The following TSPEAR variants were observed in gnomAD, a reference collection of about 807,000 sequenced individuals.
TSPEAR encodes thrombospondin type laminin G domain and EAR repeats.
Under a neutral mutation model 71.6 loss-of-function variants are expected in TSPEAR, and 69 were observed. The observed-to-expected ratio is 0.96, with a 90% CI of 0.79 to 1.18. TSPEAR has a LOEUF of 1.18. Ranked by LOEUF, TSPEAR falls within the 50% of genes most tolerant of loss-of-function variation. The pLI is 0.00. For missense variants in TSPEAR, 971 were observed against 894.9 expected, an observed-to-expected ratio of 1.09 and a Z score of -1.09; for synonymous variants, 402 against 387.2, an observed-to-expected ratio of 1.04 and a Z score of -0.45.
chr21:44,654,240 A>T (rs961088592), intron 1 of TSPEAR: 2 of 1,558,104 alleles, frequency 1.3e-6, no homozygotes, highest in African/African-American at 1.4e-5. Context: ...CTGGCTTCTG[A>T]CCTCGCACCT....
At chr21:44,560,144 A>G (rs1311891003) in intron 2 of TSPEAR, among the ~76,000 whole-genome samples, 6 of 152,230 alleles carry the variant, frequency 3.9e-5, no homozygotes, top group African/African-American at 1.2e-4. Flanking sequence ...AGGAAAATGT[A>G]CCAAGCAAAT....
At chr21:44,671,844 T>C (rs1460216043) in intron 1 of TSPEAR, among the ~76,000 whole-genome samples, 1 of 152,074 alleles carries the variant, frequency 6.6e-6, no homozygotes, top group African/African-American at 2.4e-5. Flanking sequence ...GTGCAACAGA[T>C]TCAAATGAAA....
intron 1 of TSPEAR, among the ~76,000 whole-genome samples, chr21:44,663,609 A>G (rs1390440997): frequency 1.3e-5 from 2 of 152,144 alleles, no homozygotes; most frequent in African/African-American, 2.4e-5. Context: ...TCATAGAGCC[A>G]GCATAATCTT....
chr21:44,646,797 G>A (rs369662297), intron 1 of TSPEAR: 76 of 1,602,264 alleles, frequency 4.7e-5, no homozygotes, highest in Non-Finnish European at 5.9e-5. Flanking sequence ...GCAAGCCTGT[G>A]TGCTGTGTGC....
chr21:44,535,098 G>A (rs1244929605), intron 2 of TSPEAR, among the ~76,000 whole-genome samples: 2 of 152,162 alleles, frequency 1.3e-5, no homozygotes, highest in Non-Finnish European at 2.9e-5. Context: ...AGTGTTTAAT[G>A]GGTGTGGAGT....
At position 44,695,712 on chromosome 21, in the gene TSPEAR, C is replaced by T. The variant is rs572852728; in HGVS notation, c.82+15721G>A. 5.9e-5 allele frequency among the ~76,000 whole-genome samples: 9 copies of T among 152,294 alleles called. No individual in the cohort carries two copies. Among genetic ancestry groups the T allele is most frequent in the East Asian group, 5.8e-4 (3 of 5,188 alleles). On this transcript the variant is annotated intron_variant, in intron 1 of 11. Transcript: ENST00000323084. The surrounding 1 kb of genome is among the most constrained non-coding windows in gnomAD (Gnocchi z 4.5). ...ACCACGGATGACAGCTAACACTCCA[C>T]GCCAGGGTTCTCATCTCACCGCAGC...
rs376009089 is a variant in TSPEAR, at chr21:44,545,204, G to T, written c.304-11281C>A. 6.0e-4 allele frequency among the ~76,000 whole-genome samples: 92 copies of T among 152,146 alleles called. No individual in the cohort carries two copies. In the East Asian group the frequency reaches 0.012, roughly 20 times the overall value. On this transcript the variant is annotated intron_variant, in intron 2 of 11. Coordinates refer to ENST00000323084, the MANE Select transcript of TSPEAR (RefSeq NM_144991.3). ...ATGGTGGCAGCCGCCTGTAGTCCCA[G>T]CTACTTGGGAGGCTGAGGCAGGAGA... is the stretch of plus-strand genomic sequence containing the variant.
rs955881019 is a variant in TSPEAR at position 44,499,195 on chromosome 21, A to G, written c.*588T>C. On this transcript the variant is annotated 3_prime_UTR_variant, in exon 12 of 12. Coordinates refer to ENST00000323084, the MANE Select transcript of TSPEAR (RefSeq NM_144991.3). The stretch of plus-strand genomic sequence containing the variant: ...CCTCGCGCTAGTGCATTTACGGGTA[A>G]ACTGAGGCTGGGAGGGAAGCCTCTC... 1 of 152,236 alleles carries G rather than the reference A, an allele frequency of 6.6e-6. No homozygotes were observed. The highest frequency in any genetic ancestry group is 2.4e-5 in the African/African-American group (1 of 41,426). The allele number at this position is 152,236 out of a possible 1,614,324, so 9.4% of individuals were successfully genotyped here.
intron 1 of TSPEAR, chr21:44,676,058 T>C: frequency 2.3e-6 from 2 of 872,284 alleles, no homozygotes; most frequent in Non-Finnish European, 4.0e-6. Context: ...CTCAATGCAA[T>C]AGGAGGCATA....
intron 1 of TSPEAR, among the ~76,000 whole-genome samples, chr21:44,602,644 G>A (rs587733147): frequency 6.6e-6 from 1 of 152,372 alleles, no homozygotes; most frequent in African/African-American, 2.4e-5. Context: ...CCTGCTGGGA[G>A]TCTGGAATTC....
intron 10 of TSPEAR, chr21:44,508,610 T>C: frequency 8.5e-7 from 1 of 1,181,810 alleles, no homozygotes; most frequent in Non-Finnish European, 1.1e-6. Flanking sequence ...CTGTCCAAAA[T>C]GTGGTGCCCA....
chr21:44,574,027 G>A (rs782312294), intron 1 of TSPEAR: 4 of 1,613,302 alleles, frequency 2.5e-6, no homozygotes, highest in Admixed American at 3.3e-5. Context: ...CCCTCGTGCT[G>A]CCAGCAGTCT....
At chr21:44,629,925 G>A (rs1555935408) in intron 1 of TSPEAR, among the ~76,000 whole-genome samples, 1 of 152,218 alleles carries the variant, frequency 6.6e-6, no homozygotes. Flanking sequence ...TGTGCTGGAA[G>A]AGACAGGCCA....
intron 2 of TSPEAR, chr21:44,550,992 G>C: frequency 1.2e-6 from 2 of 1,609,846 alleles, no homozygotes; most frequent in East Asian, 2.2e-5. Flanking sequence ...GGATGACTCA[G>C]AGCAGGTGGG....
At chr21:44,508,995 C>G (rs2052276455) in intron 10 of TSPEAR, 4 of 1,517,732 alleles carry the variant, frequency 2.6e-6, no homozygotes, top group Non-Finnish European at 3.6e-6. Context: ...ACCTGTGTCT[C>G]AGGGCGGCAC....
At chr21:44,515,302 G>A (rs980279171) in intron 9 of TSPEAR, among the ~76,000 whole-genome samples, 7 of 152,226 alleles carry the variant, frequency 4.6e-5, no homozygotes, top group Admixed American at 6.5e-5. Flanking sequence ...GAGGAAGCCC[G>A]TCCATGTGTG....
intron 8 of TSPEAR, among the ~76,000 whole-genome samples, chr21:44,525,103 T>C (rs1413970319): frequency 1.3e-5 from 2 of 151,770 alleles, no homozygotes; most frequent in East Asian, 3.9e-4. Flanking sequence ...ATTCAGGTTG[T>C]CAGTCAGCCA....
chr21:44,593,742 C>T lies in TSPEAR; in HGVS notation c.83-25737G>A, dbSNP rs587748017. Among the ~76,000 whole-genome samples the T allele has an allele frequency of 6.8e-4, 104 of 152,320 alleles. No individual in the cohort carries two copies. Among genetic ancestry groups the T allele is most frequent in the African/African-American group, 2.4e-3 (101 of 41,566 alleles). ...GCCGCGCCAGGCAAGGGACAAGCCGCGTGCCCTACACTGAGAGGACGGACT... is the reference window on the plus strand; with the variant it reads ...GCCGCGCCAGGCAAGGGACAAGCCGTGTGCCCTACACTGAGAGGACGGACT... On this transcript the variant is annotated intron_variant, in intron 1 of 11. Transcript: ENST00000323084. This position sits in a 1 kb window ranked among gnomAD's most constrained non-coding sequence, Gnocchi z 5.9.
chr21:44,679,081 A>G (rs7277350), intron 1 of TSPEAR, among the ~76,000 whole-genome samples: 2,627 of 152,294 alleles, frequency 0.017, 74 homozygotes, highest in African/African-American at 0.061. Flanking sequence ...TCCTTATGGT[A>G]TATAAGCCTT....
Sources: allele counts gnomAD v4.1 joint callset (sites outside exome capture counted in the v4.1 genomes callset), GRCh38; gene constraint gnomAD v4.1.1; non-coding constraint Gnocchi (gnomAD v3.1); transcripts MANE v1.5; gene names NCBI Gene and HGNC (gene_info 2026-07-23, HGNC 2026-07-21).